The following ARHGAP36 variants were observed in gnomAD, a reference collection of about 807,000 sequenced individuals.
The protein encoded by ARHGAP36 is rho GTPase-activating protein 36.
ARHGAP36 carries 7 observed loss-of-function variants against 32.9 expected under a neutral mutation model. The observed-to-expected ratio is 0.21, with a 90% CI of 0.12 to 0.40. The LOEUF is 0.40. Among genes scored for constraint, ARHGAP36 ranks in the 10% least tolerant of loss-of-function variants. The probability of loss-of-function intolerance (pLI) is 1.00; values close to 1 mark genes in which losing one functional copy is unlikely to be tolerated. For missense variants in ARHGAP36, 383 were observed against 442.2 expected, an observed-to-expected ratio of 0.87 and a Z score of 1.20; for synonymous variants, 165 against 168.3, an observed-to-expected ratio of 0.98 and a Z score of 0.15.
intron 1 of ARHGAP36, among the ~76,000 whole-genome samples, chrX:131,062,226 G>A (rs1428754176): frequency 8.9e-6 from 1 of 112,245 alleles, no homozygotes; most frequent in African/African-American, 3.2e-5. Context: ...AGACTAGAAA[G>A]AAATCGACAA....
chrX:131,081,279 C>T (rs1374900882), intron 1 of ARHGAP36, among the ~76,000 whole-genome samples: 2 of 107,394 alleles, frequency 1.9e-5, no homozygotes, highest in African/African-American at 6.8e-5. Context: ...TGGACAGCAT[C>T]GAGTATCGTC....
chrX:131,077,238 G>A (rs930614746), intron 1 of ARHGAP36, among the ~76,000 whole-genome samples: 3 of 112,127 alleles, frequency 2.7e-5, no homozygotes, highest in South Asian at 3.7e-4. Context: ...ATCCATTGCC[G>A]CTGCCTGTAG....
chrX:131,080,990 A>G (rs2079793851), intron 1 of ARHGAP36, among the ~76,000 whole-genome samples: 2 of 112,237 alleles, frequency 1.8e-5, no homozygotes, highest in Non-Finnish European at 3.8e-5. Context: ...ATGATTGCAT[A>G]ATTTTTCCAT....
Position 131,084,307 on chromosome X carries a change from C to T in ARHGAP36, c.648C>T (p.Gly216=). Residue 216 remains glycine (G), a synonymous_variant, in exon 5 of 12, where the codon GGC becomes GGT. Coordinates refer to ENST00000276211, the MANE Select transcript of ARHGAP36 (RefSeq NM_144967.4). ...TTTCAAAAATTTCCTTTCCAATTGG[C>T]CAACGACTTCTGGGATCCAAAAGGA... ...LQLSKISFPI[G]QRLLGSKRKM... 1 of 1,211,758 alleles carries T rather than the reference C, an allele frequency of 8.3e-7. No individual in the cohort carries two copies.
At chrX:131,069,086 G>A (rs746113049) in intron 1 of ARHGAP36, among the ~76,000 whole-genome samples, 2 of 112,253 alleles carry the variant, frequency 1.8e-5, no homozygotes, top group East Asian at 5.7e-4. Flanking sequence ...GGCAGGGGGC[G>A]ATAGAGTCGC....
intron 1 of ARHGAP36, among the ~76,000 whole-genome samples, chrX:131,074,473 C>T (rs1411008830): frequency 9.1e-6 from 1 of 109,953 alleles, no homozygotes; most frequent in Non-Finnish European, 1.9e-5. Context: ...GGGAGCAGGT[C>T]TCAAAGAGGG....
intron 1 of ARHGAP36, chrX:131,073,089 G>T (rs182766297): frequency 1.8e-5 from 2 of 112,623 alleles, no homozygotes; most frequent in Admixed American, 1.9e-4. Context: ...GCACTTCCAC[G>T]TGGAAGGCCC....
At chrX:131,088,544 C>T in intron 11 of ARHGAP36, 84 bp from the exon 12 acceptor site, 2 of 1,023,235 alleles carry the variant, frequency 2.0e-6, no homozygotes, top group Non-Finnish European at 2.6e-6. Context: ...ATTTGAAACT[C>T]AAAATTAGGT....
chrX:131,085,806 G>C, intron 8 of ARHGAP36, 70 bp downstream of exon 8: 1 of 1,182,814 alleles, frequency 8.5e-7, no homozygotes, highest in Non-Finnish European at 1.1e-6. Flanking sequence ...TCAGCAAGAG[G>C]GTGGATGGAG....
At chrX:131,076,585 A>G (rs1237654574) in intron 1 of ARHGAP36, among the ~76,000 whole-genome samples, 12 of 112,714 alleles carry the variant, frequency 1.1e-4, no homozygotes, top group African/African-American at 3.9e-4. Context: ...ACCCTGGCTT[A>G]TGGAATCAGG....
At chrX:131,072,688 C>A (rs970547961) in intron 1 of ARHGAP36, among the ~76,000 whole-genome samples, 2 of 111,552 alleles carry the variant, frequency 1.8e-5, no homozygotes, top group Non-Finnish European at 3.8e-5. Context: ...AGGGAAGGGA[C>A]CCTTGGGCTG....
At chrX:131,081,965 A>G in intron 2 of ARHGAP36, 47 bp downstream of exon 2, 2 of 1,190,978 alleles carry the variant, frequency 1.7e-6, no homozygotes, top group Non-Finnish European at 1.1e-6. Context: ...GGGAGAGTGG[A>G]CCCTCCGGGC....
At chrX:131,084,048 G>T in intron 4 of ARHGAP36, 79 bp downstream of exon 4, 1 of 1,105,549 alleles carries the variant, frequency 9.0e-7, no homozygotes, top group Non-Finnish European at 1.2e-6. Flanking sequence ...ATCAAGGCCT[G>T]TGCCCTCAGA....
chrX:131,087,092 T>A (rs2079839470), intron 11 of ARHGAP36, among the ~76,000 whole-genome samples: 1 of 111,700 alleles, frequency 9.0e-6, no homozygotes, highest in African/African-American at 3.3e-5. Context: ...CAAGAAATCC[T>A]GAACCCTGGA....
chrX:131,087,929 G>A (rs761109225), intron 11 of ARHGAP36, among the ~76,000 whole-genome samples: 1 of 111,916 alleles, frequency 8.9e-6, no homozygotes, highest in African/African-American at 3.3e-5. Context: ...TGAAGAAGAA[G>A]AAGTTACCAC....
chrX:131,077,668 T>C (rs2079769828), intron 1 of ARHGAP36, among the ~76,000 whole-genome samples: 1 of 108,241 alleles, frequency 9.2e-6, no homozygotes, highest in African/African-American at 3.5e-5. Context: ...CTTTTTGTAT[T>C]GATGGAAACT....
Position 131,086,104 on chromosome X carries a change from T to G in ARHGAP36, c.1281+15T>G. On this transcript the variant is annotated intron_variant, in intron 9 of 11. Coordinates refer to ENST00000276211, the MANE Select transcript of ARHGAP36 (RefSeq NM_144967.4). ...TCCTCTTCCAGGTAGGTGCAAGTTT[T>G]GGATGCACTTGTTTTACACATCCAT... 2 of 1,206,934 alleles carry G rather than the reference T, an allele frequency of 1.7e-6. No individual in the cohort carries two copies. Among genetic ancestry groups the G allele is most frequent in the Non-Finnish European group, 2.2e-6 (2 of 892,068 alleles).
intron 1 of ARHGAP36, among the ~76,000 whole-genome samples, chrX:131,059,450 T>C (rs927525732): frequency 3.6e-5 from 4 of 110,577 alleles, no homozygotes; most frequent in Non-Finnish European, 7.6e-5. Context: ...AGACCAAACC[T>C]GGGGTTGTCT....
chrX:131,083,874 G>C lies in ARHGAP36; in HGVS notation c.460G>C (p.Val154Leu). Residue 154 changes from valine to leucine, a missense_variant, in exon 4 of 12, where the codon GTG becomes CTG. This residue lies in a region of ARHGAP36 where 156 missense variants were observed against 131.0 expected (regional missense o/e 1.19). Transcript: ENST00000276211. ...GQAAGRRRGN[V>L]VRRVFGRIRR... ...GGCTGCGGGCCGTCGTCGGGGAAAC[G>C]TGGTGCGAAGGGTGTTTGGCCGCAT... 2 of 1,212,318 alleles carry C rather than the reference G, an allele frequency of 1.6e-6. No individual in the cohort carries two copies. The highest frequency in any genetic ancestry group is 2.2e-6 in the Non-Finnish European group (2 of 895,666).
Sources: gnomAD v4.1 joint callset for allele counts (sites outside exome capture counted in the v4.1 genomes callset) on GRCh38, gnomAD v4.1.1 for gene constraint, gnomAD v4.1.1 regional missense constraint, MANE v1.5 for transcripts, NCBI Gene and HGNC (gene_info 2026-07-23, HGNC 2026-07-21) for gene names.